NOL11: variants seen among roughly 807,000 people sequenced by gnomAD.
NOL11 encodes the protein nucleolar protein 11.
Under a neutral mutation model 93.0 loss-of-function variants are expected in NOL11, and 42 were observed. That is an observed-to-expected ratio of 0.45 (90% CI 0.35 to 0.58). The LOEUF is 0.58. NOL11 is among the 20% of genes least tolerant of loss of function. NOL11 has a pLI of 0.00. For missense variants in NOL11, 775 were observed against 841.8 expected (o/e 0.92, Z 0.98); for synonymous variants, 296 against 293.7 (o/e 1.01, Z -0.08).
chr17:67,738,194 A>T lies in NOL11; in HGVS notation c.1602A>T (p.Val534=). 1.2e-6 allele frequency: 2 copies of T among 1,613,380 alleles called. No homozygotes were observed. The highest frequency in any genetic ancestry group is 1.7e-6 in the Non-Finnish European group (2 of 1,179,580). The part of the protein sequence containing the change: ...ESVFDYSINS[V]HDEKMEEQTE... ...TTTTTGACTATAGTATAAATTCTGT[A>T]CATGATGAGAAAATGGAAGAGCAAA... The change falls in exon 14 of 18, where the codon GTA becomes GTT. Residue 534 remains valine, a synonymous_variant. Transcript: ENST00000253247.
intron 16 of NOL11, among the ~76,000 whole-genome samples, chr17:67,742,792 A>T (rs2055267993): frequency 6.6e-6 from 1 of 152,218 alleles, no homozygotes; most frequent in Non-Finnish European, 1.5e-5. Flanking sequence ...AAACTTCTAT[A>T]AATGCTTAGT....
At chr17:67,720,770 G>A (rs752449453) in intron 3 of NOL11, among the ~76,000 whole-genome samples, 1 of 152,178 alleles carries the variant, frequency 6.6e-6, no homozygotes, top group African/African-American at 2.4e-5. Context: ...AGTTCTAAAT[G>A]TCTAAATATA....
At chr17:67,736,991 T>C in intron 10 of NOL11, 80 bp from the exon 11 acceptor site, 1 of 946,492 alleles carries the variant, frequency 1.1e-6, no homozygotes, top group Non-Finnish European at 1.7e-6. Context: ...CTAATCTCTT[T>C]GGAGTGTTTC....
intron 16 of NOL11, 123 bp downstream of exon 16, chr17:67,739,731 C>G (rs2143140515): frequency 1.6e-6 from 1 of 629,372 alleles, no homozygotes; most frequent in Non-Finnish European, 2.8e-6. Flanking sequence ...GAATCCCTTC[C>G]TCATAAAACC....
At position 67,727,525 on chromosome 17, in the gene NOL11, C is replaced by T. The variant is rs958967197; in HGVS notation, c.853+877C>T. ...ATACAAAATTAGCTGGGTGTGGTGG[C>T]GCATGCCTGTAATCCCAGCTACTCA... is the stretch of plus-strand genomic sequence containing the variant. On this transcript the variant is annotated intron_variant, in intron 7 of 17. Coordinates refer to ENST00000253247, the MANE Select transcript of NOL11 (RefSeq NM_015462.5). 2.0e-5 allele frequency among the ~76,000 whole-genome samples: 3 copies of T among 152,084 alleles called. 1 individual carries two copies. Among genetic ancestry groups the T allele is most frequent in the South Asian group, 4.1e-4 (2 of 4,820 alleles).
intron 7 of NOL11, among the ~76,000 whole-genome samples, chr17:67,727,358 G>T (rs1248841312): frequency 6.6e-6 from 1 of 152,050 alleles, no homozygotes; most frequent in Non-Finnish European, 1.5e-5. Context: ...ACTTTGTTCT[G>T]TGTTTCTCCT....
chr17:67,737,507 G>A lies in NOL11; in HGVS notation c.1219-1G>A. ...TGAATTCTTTAATTCTGCGCTTTCA[G>A]AAAGATTCAGAAAAACACATTGAAG... On this transcript the variant is annotated splice_acceptor_variant, in intron 11 of 17. Coordinates refer to ENST00000253247, the MANE Select transcript of NOL11 (RefSeq NM_015462.5). LOFTEE classifies it high-confidence loss of function. The A allele has an allele frequency of 6.3e-7, 1 of 1,597,950 alleles. No individual in the cohort carries two copies. The highest frequency in any genetic ancestry group is 8.5e-7 in the Non-Finnish European group (1 of 1,174,550).
At chr17:67,727,779 C>T (rs1462416152) in intron 7 of NOL11, among the ~76,000 whole-genome samples, 1 of 151,778 alleles carries the variant, frequency 6.6e-6, no homozygotes, top group African/African-American at 2.4e-5. Flanking sequence ...GCTTGGCCAA[C>T]ATGGTGAAAC....
At chr17:67,729,667 C>G (rs948265949) in intron 7 of NOL11, among the ~76,000 whole-genome samples, 2 of 152,138 alleles carry the variant, frequency 1.3e-5, no homozygotes, top group Admixed American at 6.5e-5. Flanking sequence ...CAAGCTCCGC[C>G]CCCCGGGTTC....
intron 7 of NOL11, among the ~76,000 whole-genome samples, chr17:67,728,818 T>G (rs80172809): frequency 1.0e-3 from 154 of 152,340 alleles, no homozygotes; most frequent in Non-Finnish European, 2.0e-3. Context: ...CTGTGTAATA[T>G]TTCACCGAAG....
chr17:67,722,520 A>C, intron 4 of NOL11, 60 bp from the exon 5 acceptor site: 3 of 1,531,242 alleles, frequency 2.0e-6, no homozygotes, highest in Non-Finnish European at 2.6e-6. Context: ...TTTGATTGAT[A>C]TGTGTCTCCC....
intron 16 of NOL11, among the ~76,000 whole-genome samples, chr17:67,742,949 TAA>T (rs1203686553): frequency 6.6e-6 from 1 of 152,166 alleles, no homozygotes; most frequent in South Asian, 2.1e-4. Context: ...TTTTTAAAAA[TAA>T]AAAGACAACT....
chr17:67,726,580 G>A lies in NOL11; in HGVS notation c.785G>A (p.Gly262Glu). Residue 262 changes from glycine to glutamate, a missense_variant, in exon 7 of 18, where the codon GGA becomes GAA. Transcript: ENST00000253247. ...GTTGTATCTGGTAACGCTCGAAATG[G>A]AGTTGCACTCACTGCCCTGGATCAG... is the stretch of plus-strand genomic sequence containing the variant. ...KAVVSGNARNGVALTALDQDH... is the reference protein window; with the variant it reads ...KAVVSGNARNEVALTALDQDH... 3 of 1,614,052 alleles carry A rather than the reference G, an allele frequency of 1.9e-6. No individual in the cohort carries two copies. Among genetic ancestry groups the A allele is most frequent in the Non-Finnish European group, 2.5e-6 (3 of 1,180,014 alleles).
intron 11 of NOL11, 132 bp downstream of exon 11, chr17:67,737,277 T>G: frequency 1.4e-6 from 1 of 694,326 alleles, no homozygotes; most frequent in Non-Finnish European, 2.5e-6. Flanking sequence ...ATCTTAAGGG[T>G]GTCAGAGTTG....
At chr17:67,735,860 G>GA (rs746612433) in intron 8 of NOL11, 40 bp from the exon 9 acceptor site, 4 of 1,573,140 alleles carry the variant, frequency 2.5e-6, no homozygotes, top group Non-Finnish European at 1.7e-6. Flanking sequence ...CCTTAGAAGA[G>GA]AAAAAAATTT....
intron 6 of NOL11, 117 bp downstream of exon 6, chr17:67,724,310 C>T (rs2143090180): frequency 3.0e-5 from 14 of 472,966 alleles, no homozygotes; most frequent in South Asian, 1.4e-4. Context: ...TTCTGTGCTT[C>T]TTTACAGCGT....
At chr17:67,722,199 C>A (rs1158349929) in intron 4 of NOL11, among the ~76,000 whole-genome samples, 1 of 152,180 alleles carries the variant, frequency 6.6e-6, no homozygotes, top group Non-Finnish European at 1.5e-5. Flanking sequence ...AACTGTGCAG[C>A]CAGTAACTTC....
chr17:67,719,705 C>A lies in NOL11; in HGVS notation c.173C>A (p.Ser58Ter). The A allele has an allele frequency of 1.2e-6, 2 of 1,607,610 alleles. No homozygotes were observed. The highest frequency in any genetic ancestry group is 2.2e-5 in the South Asian group (2 of 90,606). Reference sequence around the variant, plus strand: ...GATCAGAAACCCTTGGGGAGCTGGTCAGTGAAACAAGGTCAAATTATAACA... The same window carrying A: ...GATCAGAAACCCTTGGGGAGCTGGTAAGTGAAACAAGGTCAAATTATAACA... ...VSDQKPLGSW[S>*]VKQGQIITCP... is the part of the protein sequence containing the mutation. The change falls in exon 2 of 18, where the codon TCA (serine) becomes TAA (stop). Residue 58 changes from serine (S) to a stop codon, truncating the protein, a stop_gained. Coordinates refer to ENST00000253247, the MANE Select transcript of NOL11 (RefSeq NM_015462.5). LOFTEE classifies it high-confidence loss of function.
At chr17:67,729,140 G>A (rs1169771263) in intron 7 of NOL11, among the ~76,000 whole-genome samples, 1 of 151,476 alleles carries the variant, frequency 6.6e-6, no homozygotes, top group Non-Finnish European at 1.5e-5. Context: ...TGTTGCCCAG[G>A]GTGGAGTGCA....
Sources: gnomAD v4.1 joint callset for allele counts (sites outside exome capture counted in the v4.1 genomes callset) on GRCh38, gnomAD v4.1.1 for gene constraint, MANE v1.5 for transcripts, NCBI Gene and HGNC (gene_info 2026-07-23, HGNC 2026-07-21) for gene names.